The following ROR2 variants were observed in gnomAD, a reference collection of about 807,000 sequenced individuals.
ROR2 encodes the protein ROR family WNT receptor 2.
ROR2 carries 33 observed loss-of-function variants against 74.9 expected under a neutral mutation model. The ratio of observed to expected loss-of-function variants is 0.44; its 90% CI spans 0.33 to 0.59. ROR2 has a LOEUF of 0.59. Ranked by LOEUF, ROR2 falls within the 20% of genes least tolerant of loss-of-function variation. The pLI is 0.02. For synonymous variants in ROR2, 586 were observed against 558.7 expected (o/e 1.05, Z -0.69); for missense variants, 1,216 against 1,313.8 (o/e 0.93, Z 1.15).
intron 1 of ROR2, among the ~76,000 whole-genome samples, chr9:91,832,313 G>A (rs528057039): frequency 7.5e-6 from 1 of 133,564 alleles, no homozygotes; most frequent in East Asian, 2.5e-4. Flanking sequence ...ACATCCATGA[G>A]ATGTTAAATG....
intron 1 of ROR2, among the ~76,000 whole-genome samples, chr9:91,832,280 C>G (rs1461129735): frequency 7.0e-6 from 1 of 143,226 alleles, no homozygotes; most frequent in Admixed American, 7.3e-5. Context: ...GAAGAAATAT[C>G]ACAGATTATG....
chr9:91,866,595 C>T (rs532467245), intron 1 of ROR2, among the ~76,000 whole-genome samples: 2 of 152,120 alleles, frequency 1.3e-5, no homozygotes, highest in African/African-American at 4.8e-5. Context: ...TTTGTACCAG[C>T]TGCATGTTTT....
chr9:91,912,849 C>T (rs1231585186), intron 1 of ROR2, among the ~76,000 whole-genome samples: 1 of 152,164 alleles, frequency 6.6e-6, no homozygotes, highest in Non-Finnish European at 1.5e-5. Flanking sequence ...GGCCAGCAGG[C>T]CAGGCGTGTT....
intron 1 of ROR2, among the ~76,000 whole-genome samples, chr9:91,871,475 G>T (rs927787449): frequency 7.2e-5 from 11 of 152,164 alleles, no homozygotes; most frequent in African/African-American, 2.2e-4. Flanking sequence ...CTGTGACAAA[G>T]GGATGGTATA....
intron 1 of ROR2, among the ~76,000 whole-genome samples, chr9:91,866,226 T>G (rs1015574763): frequency 1.3e-5 from 2 of 151,980 alleles, no homozygotes; most frequent in Non-Finnish European, 2.9e-5. Context: ...TTCAAGTGAT[T>G]CTCCTGCCTC....
chr9:91,946,082 G>A (rs1274459387), intron 1 of ROR2, among the ~76,000 whole-genome samples: 1 of 152,236 alleles, frequency 6.6e-6, no homozygotes, highest in Admixed American at 6.5e-5. Flanking sequence ...GAGCCCAAAG[G>A]GTCACTGAGA....
intron 1 of ROR2, among the ~76,000 whole-genome samples, chr9:91,891,295 G>A (rs1257922324): frequency 7.2e-6 from 1 of 138,372 alleles, no homozygotes; most frequent in Non-Finnish European, 1.5e-5. Context: ...AGTCTCACTT[G>A]TCACCCAGGC....
At chr9:91,926,308 G>A (rs1163154167) in intron 1 of ROR2, among the ~76,000 whole-genome samples, 7 of 151,842 alleles carry the variant, frequency 4.6e-5, no homozygotes, top group African/African-American at 7.3e-5. Context: ...GTGTGAACCC[G>A]GGAGTCAGAG....
At chr9:91,774,791 G>T (rs531316075) in intron 2 of ROR2, among the ~76,000 whole-genome samples, 1 of 152,180 alleles carries the variant, frequency 6.6e-6, no homozygotes. Flanking sequence ...AGCATGATTC[G>T]ATACTTTTTT....
intron 1 of ROR2, among the ~76,000 whole-genome samples, chr9:91,900,786 T>C (rs148581655): frequency 5.6e-4 from 85 of 152,264 alleles, no homozygotes; most frequent in African/African-American, 1.9e-3. Flanking sequence ...CTCAATTCTG[T>C]GCAAACAGAG....
In ROR2 at chr9:91,733,552, C is replaced by T. The variant is rs1373230031; in HGVS notation, c.623-116G>A. ...CTGCCCACTCAGCCCCCTGATGCCC[C>T]GCCCCGCCCCAGACTCCCCAACCCC... On this transcript the variant is annotated intron_variant, in intron 5 of 8. Coordinates refer to ENST00000375708, the MANE Select transcript of ROR2 (RefSeq NM_004560.4). This position sits in a 1 kb window ranked among gnomAD's most constrained non-coding sequence, Gnocchi z 5.7. 6.0e-5 allele frequency: 70 copies of T among 1,163,440 alleles called. No individual in the cohort carries two copies. Among genetic ancestry groups the T allele is most frequent in the Non-Finnish European group, 8.1e-5 (67 of 827,828 alleles). 72.1% of individuals were successfully genotyped at this position (1,163,440 alleles called of 1,614,324 possible).
At chr9:91,841,862 C>G (rs1170114196) in intron 1 of ROR2, among the ~76,000 whole-genome samples, 2 of 152,242 alleles carry the variant, frequency 1.3e-5, no homozygotes, top group Admixed American at 6.5e-5. Context: ...GCAGCCTATG[C>G]ATTTCCTCCA....
At chr9:91,914,391 G>A (rs117425435) in intron 1 of ROR2, among the ~76,000 whole-genome samples, 1,687 of 152,264 alleles carry the variant, frequency 0.011, 12 homozygotes, top group Non-Finnish European at 0.017. Flanking sequence ...ATTTCTAGCA[G>A]TGAGGATATT....
intron 1 of ROR2, among the ~76,000 whole-genome samples, chr9:91,902,589 C>T (rs1830702824): frequency 6.6e-6 from 1 of 152,150 alleles, no homozygotes; most frequent in Non-Finnish European, 1.5e-5. Context: ...CCTGCCCCCA[C>T]CCCCAACAGA....
chr9:91,894,413 A>AG (rs1303455624), intron 1 of ROR2, among the ~76,000 whole-genome samples: 1 of 152,184 alleles, frequency 6.6e-6, no homozygotes, highest in Admixed American at 6.5e-5. Context: ...TTAAACTTTA[A>AG]GGGGAAGGGA....
At chr9:91,897,797 G>C (rs1445794066) in intron 1 of ROR2, among the ~76,000 whole-genome samples, 1 of 152,200 alleles carries the variant, frequency 6.6e-6, no homozygotes, top group African/African-American at 2.4e-5. Flanking sequence ...AAGTTCCAAA[G>C]GCAGCCCAGG....
At chr9:91,907,547 G>A (rs540254939) in intron 1 of ROR2, among the ~76,000 whole-genome samples, 1 of 152,198 alleles carries the variant, frequency 6.6e-6, no homozygotes, top group East Asian at 1.9e-4. Context: ...TTTTTAAAAG[G>A]GGGATCAAAA....
intron 1 of ROR2, among the ~76,000 whole-genome samples, chr9:91,786,322 GTCAA>G (rs139592847): frequency 0.08 from 11,884 of 147,808 alleles, 792 homozygotes; most frequent in African/African-American, 0.18. Flanking sequence ...GCAAGACTCT[GTCAA>G]TCAATCAATC....
intron 1 of ROR2, among the ~76,000 whole-genome samples, chr9:91,918,079 G>A (rs1185553720): frequency 6.6e-6 from 1 of 152,058 alleles, no homozygotes; most frequent in African/African-American, 2.4e-5. Flanking sequence ...AGACCATCCT[G>A]GCTAACAAGG....
Sources: gnomAD v4.1 joint callset for allele counts (sites outside exome capture counted in the v4.1 genomes callset) on GRCh38, gnomAD v4.1.1 for gene constraint, Gnocchi (gnomAD v3.1) non-coding constraint, MANE v1.5 for transcripts, NCBI Gene and HGNC (gene_info 2026-07-23, HGNC 2026-07-21) for gene names.